Variants in SNTG1 observed in about 807,000 individuals in gnomAD.
SNTG1 encodes the protein syntrophin gamma 1.
In SNTG1, 39 loss-of-function variants were observed where a neutral mutation model predicts 74.7. The ratio of observed to expected loss-of-function variants is 0.52; its 90% CI spans 0.40 to 0.68. The LOEUF is 0.68. Ranked by LOEUF, SNTG1 falls within the 30% of genes least tolerant of loss-of-function variation. The pLI, the probability that SNTG1 is intolerant of heterozygous loss-of-function variation, is 0.00. For missense variants in SNTG1, 685 were observed against 609.5 expected (o/e 1.12, Z -1.30); for synonymous variants, 254 against 217.1 (o/e 1.17, Z -1.49).
At chr8:50,557,562 C>A (rs768219286) in intron 12 of SNTG1, among the ~76,000 whole-genome samples, 7 of 152,152 alleles carry the variant, frequency 4.6e-5, no homozygotes, top group Non-Finnish European at 1.0e-4. Context: ...TGCCAGCATT[C>A]CCTGGCTCAC....
At chr8:50,729,782 T>G (rs1037830855) in intron 17 of SNTG1, among the ~76,000 whole-genome samples, 1 of 152,164 alleles carries the variant, frequency 6.6e-6, no homozygotes, top group African/African-American at 2.4e-5. Context: ...TAAGGGCTAG[T>G]CATACTTAAG....
intron 15 of SNTG1, among the ~76,000 whole-genome samples, chr8:50,690,788 A>G (rs183881991): frequency 6.7e-4 from 102 of 152,116 alleles, no homozygotes; most frequent in African/African-American, 1.9e-3. Flanking sequence ...TCTGAGTTCA[A>G]TTCCTGGGTA....
intron 2 of SNTG1, among the ~76,000 whole-genome samples, chr8:50,290,645 A>G (rs1439879901): frequency 3.9e-5 from 6 of 152,168 alleles, no homozygotes; most frequent in Non-Finnish European, 7.3e-5. Flanking sequence ...TTATTTATTT[A>G]CATTTGCTTA....
intron 8 of SNTG1, among the ~76,000 whole-genome samples, chr8:50,495,300 G>A (rs1350926093): frequency 6.6e-6 from 1 of 151,872 alleles, no homozygotes; most frequent in African/African-American, 2.4e-5. Context: ...TACATACAAT[G>A]CCTCCCCAGG....
At chr8:50,622,897 C>T (rs1240104017) in intron 13 of SNTG1, among the ~76,000 whole-genome samples, 1 of 152,032 alleles carries the variant, frequency 6.6e-6, no homozygotes, top group South Asian at 2.1e-4. Flanking sequence ...ATAATGAATT[C>T]TTTCAAGATG....
At chr8:50,339,719 A>C (rs968788306) in intron 2 of SNTG1, among the ~76,000 whole-genome samples, 1 of 151,912 alleles carries the variant, frequency 6.6e-6, no homozygotes, top group Admixed American at 6.6e-5. Context: ...GCAGAAAAAG[A>C]GGGGAAAATA....
At chr8:49,973,776 G>C (rs1811940092) in intron 1 of SNTG1, among the ~76,000 whole-genome samples, 1 of 152,144 alleles carries the variant, frequency 6.6e-6, no homozygotes, top group African/African-American at 2.4e-5. Context: ...GGAATATTTG[G>C]AGAAAATAAA....
chr8:50,707,187 T>A (rs948364262), intron 16 of SNTG1, among the ~76,000 whole-genome samples: 1 of 152,100 alleles, frequency 6.6e-6, no homozygotes, highest in Non-Finnish European at 1.5e-5. Flanking sequence ...TAATTTGTAA[T>A]GCTGAACATA....
At chr8:50,158,814 G>A (rs1271576067) in intron 1 of SNTG1, among the ~76,000 whole-genome samples, 1 of 152,202 alleles carries the variant, frequency 6.6e-6, no homozygotes, top group Non-Finnish European at 1.5e-5. Context: ...TGTGTAAGAG[G>A]ATTTTTGTTT....
At chr8:50,033,185 A>G (rs1409386180) in intron 1 of SNTG1, among the ~76,000 whole-genome samples, 1 of 150,846 alleles carries the variant, frequency 6.6e-6, no homozygotes, top group Non-Finnish European at 1.5e-5. Context: ...GTGCAATGGC[A>G]CTATGTCAGC....
chr8:50,386,248 C>G (rs1298954240), intron 2 of SNTG1, among the ~76,000 whole-genome samples: 1 of 152,072 alleles, frequency 6.6e-6, no homozygotes, highest in East Asian at 1.9e-4. Flanking sequence ...AGCTAAAACT[C>G]CGCTGGTTAC....
chr8:50,668,993 C>T, intron 15 of SNTG1, among the ~76,000 whole-genome samples: 1 of 151,622 alleles, frequency 6.6e-6, no homozygotes, highest in Non-Finnish European at 1.5e-5. Flanking sequence ...TGGGCATATA[C>T]CCAGTAATAA....
rs1294552267 is a variant in SNTG1 at position 50,734,909 on chromosome 8, C to A, written c.1285-17092C>A. On this transcript the variant is annotated intron_variant, in intron 17 of 18. Transcript: ENST00000642720. ...TCTATATATATGGACATATATATAT[C>A]TATATATATGTCCATATACATATAT... 3.3e-4 allele frequency among the ~76,000 whole-genome samples: 43 copies of A among 131,238 alleles called. 3 individuals are homozygous for A. Among genetic ancestry groups the A allele is most frequent in the Middle Eastern group, 3.9e-3 (1 of 258 alleles). 86.1% of individuals were successfully genotyped at this position (131,238 alleles called of 152,430 possible). A position where few individuals can be genotyped will look rare whatever the true frequency, so the allele number is the denominator to read the frequency against.
At chr8:50,152,985 TATC>T (rs2082122094) in intron 1 of SNTG1, among the ~76,000 whole-genome samples, 1 of 152,222 alleles carries the variant, frequency 6.6e-6, no homozygotes, top group Non-Finnish European at 1.5e-5. Context: ...TCCTGGATAA[TATC>T]ATGAGGAGTG....
intron 1 of SNTG1, among the ~76,000 whole-genome samples, chr8:50,020,498 A>C (rs1424870228): frequency 1.3e-5 from 2 of 152,318 alleles, no homozygotes; most frequent in East Asian, 3.9e-4. Context: ...GAGATAATAA[A>C]GTTTCAATTG....
At chr8:50,274,257 T>C (rs2087962694) in intron 2 of SNTG1, among the ~76,000 whole-genome samples, 1 of 151,982 alleles carries the variant, frequency 6.6e-6, no homozygotes, top group African/African-American at 2.4e-5. Flanking sequence ...AGGCTAATTT[T>C]TGTGTTTTTA....
chr8:50,248,632 A>C (rs1169456622), intron 2 of SNTG1, among the ~76,000 whole-genome samples: 1 of 152,224 alleles, frequency 6.6e-6, no homozygotes, highest in East Asian at 1.9e-4. Flanking sequence ...CTTTGAAATG[A>C]GTAACTCTAT....
chr8:50,661,802 T>C (rs1376713817), intron 15 of SNTG1, among the ~76,000 whole-genome samples: 1 of 152,136 alleles, frequency 6.6e-6, no homozygotes, highest in African/African-American at 2.4e-5. Flanking sequence ...ATACATCAAA[T>C]ACAATGTAAA....
At chr8:50,685,183 G>T in intron 15 of SNTG1, among the ~76,000 whole-genome samples, 1 of 152,090 alleles carries the variant, frequency 6.6e-6, no homozygotes, top group East Asian at 1.9e-4. Context: ...TGTGGTCAAT[G>T]TATTCTCTGC....
Sources: allele counts gnomAD v4.1 joint callset (sites outside exome capture counted in the v4.1 genomes callset), GRCh38; gene constraint gnomAD v4.1.1; transcripts MANE v1.5; gene names NCBI Gene and HGNC (gene_info 2026-07-23, HGNC 2026-07-21).